The following CEP72 variants were observed in gnomAD, a reference collection of about 807,000 sequenced individuals.
CEP72 encodes the protein centrosomal protein of 72 kDa.
CEP72 carries 78 observed loss-of-function variants against 65.7 expected under a neutral mutation model. That is an observed-to-expected ratio of 1.19 (90% CI 0.99 to 1.43). The LOEUF is 1.43. CEP72 is among the 40% of genes most tolerant of loss of function. The pLI is 0.00. For synonymous variants in CEP72, 358 were observed against 351.7 expected, an observed-to-expected ratio of 1.02 and a Z score of -0.20; for missense variants, 914 against 832.9, an observed-to-expected ratio of 1.10 and a Z score of -1.20.
downstream of CEP72, among the ~76,000 whole-genome samples, chr5:669,041 A>G (rs185379497): frequency 2.4e-4 from 37 of 152,328 alleles, 1 homozygote; most frequent in African/African-American, 8.9e-4. Context: ...CGCTGAGCCA[A>G]AGAAGAAATC....
rs114932905 is a variant in CEP72, at chr5:646,736, G to T, written c.1667-1069G>T. On this transcript the variant is annotated intron_variant, in intron 10 of 11. Coordinates refer to ENST00000264935, the MANE Select transcript of CEP72 (RefSeq NM_018140.4). ...GGGCAGGGCCGTGGTTCCCTGATTG[G>T]CCCACTGGGTTTCCCAAGGGAGCAA... Among the ~76,000 whole-genome samples, 279 of 152,340 alleles carry T rather than the reference G, an allele frequency of 1.8e-3. 1 individual carries two copies. The highest frequency in any genetic ancestry group is 6.5e-3 in the African/African-American group (270 of 41,582).
At chr5:643,653 G>T (rs1461530173) in intron 9 of CEP72, 1 of 985,266 alleles carries the variant, frequency 1.0e-6, no homozygotes, top group Non-Finnish European at 1.2e-6. Flanking sequence ...GCTGGTGCCT[G>T]AGAGAGCAGC....
At chr5:648,842 T>C (rs375992161) in intron 11 of CEP72, among the ~76,000 whole-genome samples, 27 of 49,508 alleles carry the variant, frequency 5.5e-4, no homozygotes, top group East Asian at 1.5e-3. Flanking sequence ...GACTGTGAGG[T>C]GTGGACTGTG....
chr5:638,978 C>A, intron 7 of CEP72, 111 bp from the exon 8 acceptor site: 1 of 1,410,166 alleles, frequency 7.1e-7, no homozygotes, highest in Non-Finnish European at 9.9e-7. Context: ...CTCAGGGCAC[C>A]TGTCCTCCCC....
At chr5:632,765 C>T (rs1242907789) in intron 4 of CEP72, among the ~76,000 whole-genome samples, 15 of 34,782 alleles carry the variant, frequency 4.3e-4, no homozygotes, top group Non-Finnish European at 6.1e-4. Context: ...TATCCAGTGC[C>T]GGGATTTGAC....
Position 624,384 on chromosome 5 carries a change from A to G in CEP72, c.404-87A>G. ...AGCAGGGCTGGCCCCGAGGGGATGG[A>G]CACCCTGCCCCGTGTAGATGCCCCA... On this transcript the variant is annotated intron_variant, in intron 3 of 11. Coordinates refer to ENST00000264935, the MANE Select transcript of CEP72 (RefSeq NM_018140.4). This position sits in a 1 kb window ranked among gnomAD's most constrained non-coding sequence, Gnocchi z 4.7. The G allele has an allele frequency of 1.1e-6, 1 of 883,410 alleles. No individual in the cohort carries two copies. The highest frequency in any genetic ancestry group is 2.5e-5 in the East Asian group (1 of 40,002). 54.7% of individuals were successfully genotyped at this position (883,410 alleles called of 1,614,324 possible).
rs138917099 is a variant in CEP72 at position 653,133 on chromosome 5, G to A, written c.1924G>A (p.Gly642Arg). The A allele has an allele frequency of 1.5e-4, 235 of 1,609,676 alleles. No homozygotes were observed. Among genetic ancestry groups the A allele is most frequent in the Non-Finnish European group, 1.8e-4 (213 of 1,179,014 alleles). The change falls in exon 12 of 12, where the codon GGA becomes AGA. Residue 642 changes from glycine to arginine, a missense_variant. Gly to Arg is a moderately radical substitution (Grantham distance 125, BLOSUM62 -2). Coordinates refer to ENST00000264935, the MANE Select transcript of CEP72 (RefSeq NM_018140.4). Reference protein sequence around the residue: ...ALFPHSSASHGGCQAC With the variant: ...ALFPHSSASHRGCQAC ...GTTTCCACACAGCAGCGCCAGCCAT[G>A]GAGGCTGCCAGGCCTGCTGACTCCT...
the CEP72 span, among the ~76,000 whole-genome samples, chr5:674,583 C>T: frequency 3.9e-5 from 6 of 152,144 alleles, no homozygotes; most frequent in African/African-American, 1.2e-4. Flanking sequence ...CCTGACCTCC[C>T]GGGCACAGCC....
At chr5:638,864 C>A (rs1737802506) in intron 7 of CEP72, among the ~76,000 whole-genome samples, 1 of 152,154 alleles carries the variant, frequency 6.6e-6, no homozygotes, top group Non-Finnish European at 1.5e-5. Flanking sequence ...GGGCCCCGTC[C>A]TGTCCTGTCA....
chr5:649,235 G>A (rs1289612496), intron 11 of CEP72, among the ~76,000 whole-genome samples: 29 of 112,080 alleles, frequency 2.6e-4, no homozygotes, highest in African/African-American at 1.1e-3. Context: ...TGACTGTGAG[G>A]TGTGACTGTG....
At chr5:658,755 G>A (rs956523064), downstream of CEP72, among the ~76,000 whole-genome samples, 12 of 132,144 alleles carry the variant, frequency 9.1e-5, no homozygotes, top group Admixed American at 6.1e-4. Flanking sequence ...TGCAAGCTCC[G>A]CCTCCCGGGT....
At chr5:669,376 C>T (rs568898148), downstream of CEP72, among the ~76,000 whole-genome samples, 127 of 152,262 alleles carry the variant, frequency 8.3e-4, no homozygotes, top group Admixed American at 1.6e-3. Flanking sequence ...CGTGGACACC[C>T]GCACGTTCCC....
the CEP72 span, among the ~76,000 whole-genome samples, chr5:675,486 GTACAT>G: frequency 4.9e-5 from 7 of 141,538 alleles, no homozygotes; most frequent in East Asian, 2.1e-4. Flanking sequence ...GTGGCCAGGG[GTACAT>G]TGTGGCCGGG....
At chr5:674,907 C>G in the CEP72 span, among the ~76,000 whole-genome samples, 1 of 150,410 alleles carries the variant, frequency 6.6e-6, no homozygotes, top group Non-Finnish European at 1.5e-5. Flanking sequence ...AAGGCCTGTA[C>G]TGCAGAGTCA....
At chr5:669,617 A>G (rs577850527), downstream of CEP72, among the ~76,000 whole-genome samples, 2 of 151,558 alleles carry the variant, frequency 1.3e-5, no homozygotes, top group East Asian at 1.9e-4. Flanking sequence ...GCCCTTTCTG[A>G]CGGCCTCGGA....
At chr5:639,584 C>G (rs1204203245) in intron 8 of CEP72, among the ~76,000 whole-genome samples, 1 of 152,228 alleles carries the variant, frequency 6.6e-6, no homozygotes, top group African/African-American at 2.4e-5. Flanking sequence ...TCCCCCGACC[C>G]AGACGTGTAG....
chr5:632,021 T>C (rs1416149461), intron 4 of CEP72, among the ~76,000 whole-genome samples: 1 of 38,924 alleles, frequency 2.6e-5, no homozygotes, highest in Non-Finnish European at 4.3e-5. Context: ...TTCTGTCCAG[T>C]GCTGGGATTT....
chr5:669,227 G>T (rs546612102), downstream of CEP72, among the ~76,000 whole-genome samples: 1 of 152,280 alleles, frequency 6.6e-6, no homozygotes, highest in Admixed American at 6.5e-5. Context: ...TTCCAGACCC[G>T]CCGGCCATAG....
chr5:636,587 G>A (rs1328098926), intron 6 of CEP72, among the ~76,000 whole-genome samples: 1 of 152,192 alleles, frequency 6.6e-6, no homozygotes, highest in African/African-American at 2.4e-5. Flanking sequence ...GAGGCAGGCG[G>A]ATCATTTGAG....
Sources: gnomAD v4.1 joint callset for allele counts (sites outside exome capture counted in the v4.1 genomes callset) on GRCh38, gnomAD v4.1.1 for gene constraint, Gnocchi (gnomAD v3.1) non-coding constraint, MANE v1.5 for transcripts, NCBI Gene and HGNC (gene_info 2026-07-23, HGNC 2026-07-21) for gene names.